MTUS1: variants seen among roughly 807,000 people sequenced by gnomAD.
The protein encoded by MTUS1 is microtubule-associated tumor suppressor 1.
In MTUS1, 109 loss-of-function variants were observed where a neutral mutation model predicts 120.8. The ratio of observed to expected loss-of-function variants is 0.90; its 90% CI spans 0.77 to 1.06. The LOEUF (loss-of-function observed/expected upper bound fraction) is 1.06, where lower values mean the gene tolerates loss of function less well. Among genes scored for constraint, MTUS1 ranks in the 50% least tolerant of loss-of-function variants. The pLI is 0.00. For missense variants in MTUS1, 2,210 were observed against 1,486.3 expected (o/e 1.49, Z -8.01); for synonymous variants, 737 against 550.5 (o/e 1.34, Z -4.74).
At chr8:17,725,295 T>G (rs940966416) in intron 3 of MTUS1, among the ~76,000 whole-genome samples, 1 of 152,222 alleles carries the variant, frequency 6.6e-6, no homozygotes, top group Non-Finnish European at 1.5e-5. Flanking sequence ...TCTAGCGATT[T>G]TGCTCATAAA....
At chr8:17,717,214 G>C (rs1036208252) in intron 4 of MTUS1, among the ~76,000 whole-genome samples, 4 of 152,272 alleles carry the variant, frequency 2.6e-5, no homozygotes, top group Admixed American at 6.5e-5. Context: ...AATCAACACA[G>C]AGCTTTCCCT....
At chr8:17,784,694 A>T (rs1289024532) in intron 1 of MTUS1, among the ~76,000 whole-genome samples, 5 of 152,180 alleles carry the variant, frequency 3.3e-5, no homozygotes, top group Non-Finnish European at 7.3e-5. Flanking sequence ...ACAGTCTCCG[A>T]GAAGTTCCGT....
intron 3 of MTUS1, among the ~76,000 whole-genome samples, chr8:17,743,052 A>T (rs1003338751): frequency 2.6e-5 from 4 of 152,132 alleles, no homozygotes; most frequent in African/African-American, 9.7e-5. Context: ...GATACTTAAT[A>T]GCTATTCTTG....
chr8:17,732,717 C>T (rs1482853791), intron 3 of MTUS1, among the ~76,000 whole-genome samples: 2 of 152,102 alleles, frequency 1.3e-5, no homozygotes, highest in African/African-American at 4.8e-5. Flanking sequence ...CATCCATTCC[C>T]ATCTCAGGTA....
intron 1 of MTUS1, among the ~76,000 whole-genome samples, chr8:17,764,522 C>T (rs1238741604): frequency 6.6e-6 from 1 of 152,124 alleles, no homozygotes; most frequent in Non-Finnish European, 1.5e-5. Flanking sequence ...CCTGTTTCAT[C>T]TTTATATCTT....
At chr8:17,786,507 C>T (rs1378380198) in intron 1 of MTUS1, among the ~76,000 whole-genome samples, 7 of 152,094 alleles carry the variant, frequency 4.6e-5, no homozygotes, top group Non-Finnish European at 8.8e-5. Flanking sequence ...ACTGACCACA[C>T]TTAAAATCCT....
At chr8:17,676,836 C>G (rs143910486) in intron 7 of MTUS1, among the ~76,000 whole-genome samples, 80 of 152,280 alleles carry the variant, frequency 5.3e-4, no homozygotes, top group African/African-American at 1.9e-3. Context: ...AGGAAAGGGG[C>G]ATGCTGTCGT....
At chr8:17,718,011 T>A (rs998455601) in intron 4 of MTUS1, among the ~76,000 whole-genome samples, 40 of 152,250 alleles carry the variant, frequency 2.6e-4, no homozygotes, top group African/African-American at 8.9e-4. Context: ...TGATCAACGA[T>A]TGTACCTGCT....
intron 4 of MTUS1, among the ~76,000 whole-genome samples, chr8:17,721,497 T>A (rs1413391334): frequency 6.6e-6 from 1 of 152,188 alleles, no homozygotes; most frequent in Non-Finnish European, 1.5e-5. Flanking sequence ...TGCTGCTGAA[T>A]TATATTAAGA....
At chr8:17,801,466 G>C (rs1403493421), upstream of MTUS1, 1 of 151,860 alleles carries the variant, frequency 6.6e-6, no homozygotes, top group Non-Finnish European at 1.5e-5. Flanking sequence ...CGTACCTCGG[G>C]GCGCTGGACT....
intron 3 of MTUS1, among the ~76,000 whole-genome samples, chr8:17,725,975 C>T (rs138450643): frequency 4.6e-5 from 7 of 152,254 alleles, no homozygotes; most frequent in African/African-American, 1.7e-4. Flanking sequence ...TTGATCCCTA[C>T]CCACTTCTTC....
At chr8:17,669,148 A>G (rs1465516366) in intron 8 of MTUS1, among the ~76,000 whole-genome samples, 1 of 152,244 alleles carries the variant, frequency 6.6e-6, no homozygotes, top group Non-Finnish European at 1.5e-5. Flanking sequence ...AATCTCTGTA[A>G]GAACAAAATC....
At chr8:17,693,198 T>G (rs924412262) in intron 6 of MTUS1, 2 of 152,196 alleles carry the variant, frequency 1.3e-5, no homozygotes, top group East Asian at 1.9e-4. Context: ...TATGTTGAGG[T>G]AGAATTCCGA....
intron 1 of MTUS1, among the ~76,000 whole-genome samples, chr8:17,768,798 A>G (rs209561): frequency 0.029 from 4,371 of 152,270 alleles, 98 homozygotes; most frequent in South Asian, 0.063. Flanking sequence ...ACAGCATTCC[A>G]AAGTCCTCTA....
intron 1 of MTUS1, among the ~76,000 whole-genome samples, chr8:17,771,134 G>C (rs979774009): frequency 4.6e-5 from 7 of 152,130 alleles, no homozygotes; most frequent in Non-Finnish European, 8.8e-5. Flanking sequence ...GTTCTTAGGA[G>C]TGTTATATCC....
chr8:17,714,897 T>A (rs1822022934), intron 5 of MTUS1, among the ~76,000 whole-genome samples: 1 of 115,146 alleles, frequency 8.7e-6, no homozygotes, highest in Admixed American at 8.3e-5. Context: ...AATAATGCTT[T>A]TTTTTTTTTT....
Position 17,683,171 on chromosome 8 carries a change from C to T in MTUS1, c.2838+1157G>A, listed in dbSNP as rs1585663682. ...CCTGCAGTCCCAGCTACTCGGGAGG[C>T]TGAGGCAGGAGAATGGCATGAACCC... is the stretch of plus-strand genomic sequence containing the variant. On this transcript the variant is annotated intron_variant, in intron 7 of 14. Transcript: ENST00000693296. Among the ~76,000 whole-genome samples, 2 of 152,222 alleles carry T rather than the reference C, an allele frequency of 1.3e-5. 1 individual carries two copies. Among genetic ancestry groups the T allele is most frequent in the Admixed American group, 1.3e-4 (2 of 15,296 alleles).
chr8:17,652,139 A>G (rs992016255), intron 12 of MTUS1, among the ~76,000 whole-genome samples: 4 of 152,234 alleles, frequency 2.6e-5, no homozygotes, highest in Admixed American at 1.3e-4. Flanking sequence ...AAATGAAAAC[A>G]GTGGTACTAA....
intron 4 of MTUS1, among the ~76,000 whole-genome samples, chr8:17,717,347 C>T (rs953571967): frequency 3.3e-5 from 5 of 152,138 alleles, no homozygotes; most frequent in East Asian, 3.9e-4. Flanking sequence ...ATTAAAGACA[C>T]CGCCATTACA....
Sources: gnomAD v4.1 joint callset for allele counts (sites outside exome capture counted in the v4.1 genomes callset) on GRCh38, gnomAD v4.1.1 for gene constraint, MANE v1.5 for transcripts, NCBI Gene and HGNC (gene_info 2026-07-23, HGNC 2026-07-21) for gene names.